The following GNA13 variants were observed in gnomAD, a reference collection of about 807,000 sequenced individuals.
GNA13 encodes the protein guanine nucleotide-binding protein subunit alpha-13.
GNA13 carries 4 observed loss-of-function variants against 33.5 expected under a neutral mutation model. The ratio of observed to expected loss-of-function variants is 0.12; its 90% CI spans 0.06 to 0.27. The LOEUF (loss-of-function observed/expected upper bound fraction) is 0.27, where lower values mean the gene tolerates loss of function less well. Among genes scored for constraint, GNA13 ranks in the 10% least tolerant of loss-of-function variants. GNA13 has a pLI of 1.00. For synonymous variants in GNA13, 176 were observed against 183.8 expected, an observed-to-expected ratio of 0.96 and a Z score of 0.34; for missense variants, 319 against 487.2, an observed-to-expected ratio of 0.65 and a Z score of 3.25.
intron 2 of GNA13, among the ~76,000 whole-genome samples, chr17:65,046,351 T>A (rs1050294682): frequency 1.3e-5 from 2 of 152,174 alleles, no homozygotes; most frequent in Admixed American, 6.5e-5. Context: ...AGTGCAATGG[T>A]GCTATCATAG....
chr17:65,013,240 A>G lies in GNA13; in HGVS notation c.*1017T>C. Reference sequence around the variant, plus strand: ...GCCCTTAGCAAACTCCAAATAAACAAAACGATGCCACAAATGGCACAGTGT... The same window carrying G: ...GCCCTTAGCAAACTCCAAATAAACAGAACGATGCCACAAATGGCACAGTGT... On this transcript the variant is annotated 3_prime_UTR_variant, in exon 4 of 4. Transcript: ENST00000439174. 4.8e-6 allele frequency: 1 copy of G among 208,186 alleles called. No homozygotes were observed. 12.9% of individuals were successfully genotyped at this position (208,186 alleles called of 1,614,324 possible).
intron 2 of GNA13, among the ~76,000 whole-genome samples, chr17:65,035,913 G>A (rs547747049): frequency 1.3e-5 from 2 of 152,218 alleles, no homozygotes; most frequent in South Asian, 2.1e-4. Flanking sequence ...AAAGAGAGGC[G>A]CCTATTAGAG....
At chr17:65,035,513 T>C (rs939875508) in intron 2 of GNA13, among the ~76,000 whole-genome samples, 25 of 152,122 alleles carry the variant, frequency 1.6e-4, no homozygotes, top group Non-Finnish European at 2.6e-4. Context: ...CTGGATGATA[T>C]TTTACAATGA....
rs145751734 is a variant in GNA13, at chr17:65,043,512, C to G, written c.510+9990G>C. ...ATGTTGCCCAGGCTGGTCTCAAACT[C>G]CTGGACTCAAGCAATCTGCTCACCT... On this transcript the variant is annotated intron_variant, in intron 2 of 3. Transcript: ENST00000439174. 4.1e-4 allele frequency among the ~76,000 whole-genome samples: 62 copies of G among 152,188 alleles called. No homozygotes were observed. In the East Asian group the frequency reaches 0.011, roughly 27 times the overall value.
At chr17:65,024,408 T>C (rs755358387) in intron 2 of GNA13, among the ~76,000 whole-genome samples, 7 of 152,248 alleles carry the variant, frequency 4.6e-5, no homozygotes, top group Non-Finnish European at 7.3e-5. Flanking sequence ...ATAAACAAAA[T>C]GTTATTCCAA....
intron 2 of GNA13, among the ~76,000 whole-genome samples, chr17:65,042,693 C>T (rs996738671): frequency 6.7e-5 from 10 of 149,820 alleles, no homozygotes; most frequent in East Asian, 2.0e-4. Context: ...GCCAAGACCG[C>T]GCCACTGCAC....
At chr17:65,020,711 C>T (rs372144123) in intron 2 of GNA13, among the ~76,000 whole-genome samples, 2 of 150,972 alleles carry the variant, frequency 1.3e-5, no homozygotes, top group East Asian at 1.9e-4. Context: ...GGTGCAATGG[C>T]GCGATCTTGG....
intron 3 of GNA13, among the ~76,000 whole-genome samples, chr17:65,016,517 C>T (rs1481669918): frequency 2.0e-5 from 3 of 152,176 alleles, no homozygotes; most frequent in South Asian, 2.1e-4. Flanking sequence ...TGCACCACCA[C>T]GGCCGGCTAC....
intron 2 of GNA13, among the ~76,000 whole-genome samples, chr17:65,050,213 G>A (rs950326311): frequency 1.3e-5 from 2 of 152,008 alleles, no homozygotes; most frequent in African/African-American, 4.8e-5. Flanking sequence ...AGGAAAGGAG[G>A]GAATGAATGC....
chr17:65,056,261 G>T, intron 1 of GNA13, 50 bp downstream of exon 1: 2 of 560,700 alleles, frequency 3.6e-6, no homozygotes, highest in Admixed American at 2.7e-5. Flanking sequence ...ACCCGCCGCC[G>T]CCCCAGCCCC....
chr17:65,056,126 G>A lies in GNA13; in HGVS notation c.283+185C>T, dbSNP rs115448270. Among the ~76,000 whole-genome samples the A allele has an allele frequency of 7.8e-3, 1,185 of 151,928 alleles. 15 individuals are homozygous for A. Among genetic ancestry groups the A allele is most frequent in the African/African-American group, 0.027 (1,103 of 41,482 alleles). ...GCGACCCCGAGCATCCTCTCGCCCT[G>A]GGGCGCGAGGGCACCCCGGGCGGGC... On this transcript the variant is annotated intron_variant, in intron 1 of 3. Transcript: ENST00000439174.
intron 1 of GNA13, chr17:65,055,473 T>C (rs1339653537): frequency 3.5e-6 from 1 of 283,964 alleles, no homozygotes; most frequent in Non-Finnish European, 5.3e-6. Flanking sequence ...TAGGCCAGTC[T>C]TCTTACTACT....
chr17:65,030,346 G>C (rs956345205), intron 2 of GNA13, among the ~76,000 whole-genome samples: 2 of 152,206 alleles, frequency 1.3e-5, no homozygotes, highest in African/African-American at 4.8e-5. Context: ...CCAGATGCTG[G>C]TGAAGAATCA....
chr17:65,056,239 G>GCCCGGCCCCCCCCCCCCCCCCCC, intron 1 of GNA13, 72 bp downstream of exon 1: 7 of 936,166 alleles, frequency 7.5e-6, no homozygotes, highest in Non-Finnish European at 1.1e-5. Flanking sequence ...CCAGGGCGGT[G>GCCCGGCCCCCCCCCCCCCCCCCC]CCCCGCCCCG....
At chr17:65,017,579 T>G (rs1353716426) in intron 3 of GNA13, among the ~76,000 whole-genome samples, 1 of 152,218 alleles carries the variant, frequency 6.6e-6, no homozygotes, top group Non-Finnish European at 1.5e-5. Flanking sequence ...ATGCTCTGCC[T>G]GCAGTGGGCC....
At chr17:65,021,044 T>G (rs1906564267) in intron 2 of GNA13, among the ~76,000 whole-genome samples, 1 of 152,224 alleles carries the variant, frequency 6.6e-6, no homozygotes, top group South Asian at 2.1e-4. Context: ...TAGCTCTTTT[T>G]TCTCTGTTCA....
In GNA13 at chr17:65,056,620, G is replaced by C; in HGVS notation, c.-27C>G. On this transcript the variant is annotated 5_prime_UTR_variant, in exon 1 of 4. Coordinates refer to ENST00000439174, the MANE Select transcript of GNA13 (RefSeq NM_006572.6). ...TTGCCGCCGCCGCCGCCGCCTCGGCGGGCCCCTCCGGCTCCCTCCACCTCC... is the reference window on the plus strand; with the variant it reads ...TTGCCGCCGCCGCCGCCGCCTCGGCCGGCCCCTCCGGCTCCCTCCACCTCC... 1 of 1,591,356 alleles carries C rather than the reference G, an allele frequency of 6.3e-7. No individual in the cohort carries two copies. Among genetic ancestry groups the C allele is most frequent in the Non-Finnish European group, 8.5e-7 (1 of 1,173,456 alleles).
chr17:65,027,924 G>T (rs184266763), intron 2 of GNA13, among the ~76,000 whole-genome samples: 10 of 152,204 alleles, frequency 6.6e-5, no homozygotes, highest in Admixed American at 2.6e-4. Flanking sequence ...GGCCAACATG[G>T]TGAAATCCCA....
intron 2 of GNA13, among the ~76,000 whole-genome samples, chr17:65,046,066 A>AT (rs930285994): frequency 9.2e-5 from 14 of 152,106 alleles, no homozygotes; most frequent in African/African-American, 1.2e-4. Flanking sequence ...CTGAGTCTCC[A>AT]TTTTTTAATC....
Sources: allele counts gnomAD v4.1 joint callset (sites outside exome capture counted in the v4.1 genomes callset), GRCh38; gene constraint gnomAD v4.1.1; transcripts MANE v1.5; gene names NCBI Gene and HGNC (gene_info 2026-07-23, HGNC 2026-07-21).